Variants in GCSAML observed in about 807,000 individuals in gnomAD.
GCSAML encodes the protein germinal center associated signaling and motility like.
In GCSAML, 9 loss-of-function variants were observed where a neutral mutation model predicts 13.0. That is an observed-to-expected ratio of 0.69 (90% confidence interval 0.42 to 1.21). The LOEUF is 1.21. GCSAML is among the 50% of genes most tolerant of loss of function. The pLI, the probability that GCSAML is intolerant of heterozygous loss-of-function variation, is 0.00. For synonymous variants in GCSAML, 37 were observed against 52.9 expected, an observed-to-expected ratio of 0.70 and a Z score of 1.31; for missense variants, 143 against 153.4, an observed-to-expected ratio of 0.93 and a Z score of 0.36.
intron 1 of GCSAML, among the ~76,000 whole-genome samples, chr1:247,552,754 AC>A (rs1030351510): frequency 6.6e-6 from 1 of 152,188 alleles, no homozygotes. Context: ...ATGCAGATGT[AC>A]TATATGTATA....
At chr1:247,531,407 C>G in intron 2 of GCSAML, 1 of 769,408 alleles carries the variant, frequency 1.3e-6, no homozygotes, top group Non-Finnish European at 2.1e-6. Context: ...CTGGAAATGG[C>G]ATGAGCACAC....
At chr1:247,518,832 T>C (rs185747094) in intron 1 of GCSAML, among the ~76,000 whole-genome samples, 31 of 151,950 alleles carry the variant, frequency 2.0e-4, no homozygotes, top group Admixed American at 6.5e-4. Context: ...CTACCAGAAA[T>C]GTAAAAAATT....
chr1:247,533,359 A>G (rs147586027), intron 2 of GCSAML: 3 of 152,308 alleles, frequency 2.0e-5, no homozygotes, highest in African/African-American at 7.2e-5. Context: ...AGTTAGCCAT[A>G]GAAATTAGAA....
intron 1 of GCSAML, among the ~76,000 whole-genome samples, chr1:247,512,131 T>G (rs573878094): frequency 6.6e-6 from 1 of 152,294 alleles, no homozygotes; most frequent in South Asian, 2.1e-4. Flanking sequence ...TCCCTGTCAC[T>G]TTCAGGTATA....
chr1:247,522,003 G>A (rs1216159032), intron 1 of GCSAML, among the ~76,000 whole-genome samples: 2 of 151,876 alleles, frequency 1.3e-5, no homozygotes, highest in Non-Finnish European at 2.9e-5. Flanking sequence ...CCCCGTCTGG[G>A]ATGTGAGGAG....
At chr1:247,523,741 GATA>G (rs1195387454) in intron 1 of GCSAML, among the ~76,000 whole-genome samples, 1 of 152,098 alleles carries the variant, frequency 6.6e-6, no homozygotes, top group Non-Finnish European at 1.5e-5. Flanking sequence ...TAGAAAAATA[GATA>G]ATGATTGATG....
At position 247,574,492 on chromosome 1, in the gene GCSAML, A is replaced by C. The variant is rs1392615273; in HGVS notation, c.*110A>C. On this transcript the variant is annotated 3_prime_UTR_variant, in exon 5 of 5. Coordinates refer to ENST00000366488, the MANE Select transcript of GCSAML (RefSeq NM_145278.5). ...GCATGAAACATTCCTTTCTGGCTAA[A>C]GTTTAGAAATATTATCTTATTATAT... The C allele has an allele frequency of 8.2e-7, 1 of 1,224,462 alleles. No homozygotes were observed. The highest frequency in any genetic ancestry group is 2.4e-5 in the East Asian group (1 of 41,978). The allele number at this position is 1,224,462 out of a possible 1,614,324, so 75.8% of individuals were successfully genotyped here.
chr1:247,522,503 A>G (rs192901753), intron 1 of GCSAML, among the ~76,000 whole-genome samples: 22 of 152,300 alleles, frequency 1.4e-4, no homozygotes, highest in African/African-American at 5.3e-4. Flanking sequence ...AGATAGAGAA[A>G]TCAGACTGTG....
intron 2 of GCSAML, among the ~76,000 whole-genome samples, chr1:247,535,080 A>G: frequency 6.6e-6 from 1 of 152,116 alleles, no homozygotes; most frequent in African/African-American, 2.4e-5. Flanking sequence ...GGGAGGCTGA[A>G]GTGGGGGGAA....
Position 247,556,438 on chromosome 1 carries a change from A to G in GCSAML, c.61A>G (p.Lys21Glu). The change falls in exon 2 of 5, where the codon AAA becomes GAA. Residue 21 changes from lysine to glutamate, a missense_variant. Lys to Glu is a moderately conservative substitution (Grantham distance 56). Coordinates refer to ENST00000366488, the MANE Select transcript of GCSAML (RefSeq NM_145278.5). ...CLGENQKKPK[K>E]GNPDEERKRQ... ...GGGAGAGAATCAAAAGAAGCCCAAG[A>G]AAGGAAACCCAGATGAGGAAAGAAA... 2 of 1,612,068 alleles carry G rather than the reference A, an allele frequency of 1.2e-6. No individual in the cohort carries two copies. Among genetic ancestry groups the G allele is most frequent in the East Asian group, 2.2e-5 (1 of 44,856 alleles).
At chr1:247,520,105 G>A (rs777351784) in intron 1 of GCSAML, among the ~76,000 whole-genome samples, 6 of 152,106 alleles carry the variant, frequency 3.9e-5, no homozygotes, top group East Asian at 1.9e-4. Flanking sequence ...AAAAAGGTGC[G>A]CTTCTCTGAT....
chr1:247,565,549 A>T (rs184590931), intron 3 of GCSAML: 20 of 172,912 alleles, frequency 1.2e-4, no homozygotes, highest in African/African-American at 4.7e-4. Flanking sequence ...TGATAGTTAC[A>T]TAAAATTTAT....
At chr1:247,542,270 C>G (rs1667440541) in intron 2 of GCSAML, among the ~76,000 whole-genome samples, 1 of 152,018 alleles carries the variant, frequency 6.6e-6, no homozygotes, top group Admixed American at 6.6e-5. Context: ...CAGGGCTACA[C>G]AGTGAGACCT....
rs373555080 is a variant in GCSAML at position 247,536,998 on chromosome 1, A to G, written c.-148+9944A>G. Among the ~76,000 whole-genome samples the G allele has an allele frequency of 1.4e-4, 22 of 152,280 alleles. No homozygotes were observed. The East Asian group carries it at 3.7e-3, about 25-fold the overall frequency. On this transcript the variant is annotated intron_variant, in intron 2 of 5. Coordinates refer to the GCSAML transcript ENST00000366489. Reference sequence around the variant, plus strand: ...GATAGCATATAAATTTATCATTGTAACTATTTTAAGTGTGCAAGTCAGTGG... The same window carrying G: ...GATAGCATATAAATTTATCATTGTAGCTATTTTAAGTGTGCAAGTCAGTGG...
rs73146552 is a variant in GCSAML at position 247,523,965 on chromosome 1, T to C, written c.-262-2975T>C. Among the ~76,000 whole-genome samples the C allele has an allele frequency of 1.2e-3, 175 of 150,106 alleles. 1 individual carries two copies. The highest frequency in any genetic ancestry group is 4.1e-3 in the African/African-American group (168 of 40,872). ...AGCGAAATAAATTGTTTTGGGACAATTGACTGAACATTTGGAAAACAACAT... is the reference window on the plus strand; with the variant it reads ...AGCGAAATAAATTGTTTTGGGACAACTGACTGAACATTTGGAAAACAACAT... On this transcript the variant is annotated intron_variant, in intron 1 of 5. Coordinates refer to the GCSAML transcript ENST00000366489.
chr1:247,527,014 A>G lies in GCSAML; in HGVS notation c.-188A>G. 1 of 456,708 alleles carries G rather than the reference A, an allele frequency of 2.2e-6. No homozygotes were observed. Among genetic ancestry groups the G allele is most frequent in the Non-Finnish European group, 4.4e-6 (1 of 226,964 alleles). The allele number at this position is 456,708 out of a possible 1,614,324, so 28.3% of individuals were successfully genotyped here. A position where few individuals can be genotyped will look rare whatever the true frequency, so the allele number is the denominator to read the frequency against. On this transcript the variant is annotated 5_prime_UTR_variant, in exon 2 of 6. Transcript: ENST00000366489. The surrounding 1 kb of genome is among the most constrained non-coding windows in gnomAD (Gnocchi z 4.6). ...GGATGTGGAGCCAGAAATTGTGTGG[A>G]ATGCCTGGTGTTTCTTTCAGTTCTT...
At chr1:247,540,698 T>C (rs994727748) in intron 2 of GCSAML, among the ~76,000 whole-genome samples, 3 of 152,042 alleles carry the variant, frequency 2.0e-5, no homozygotes, top group Non-Finnish European at 4.4e-5. Context: ...CAAGAGCAAG[T>C]GGGGGAGGGA....
At chr1:247,559,826 C>T (rs1243646877) in intron 2 of GCSAML, among the ~76,000 whole-genome samples, 1 of 152,128 alleles carries the variant, frequency 6.6e-6, no homozygotes, top group African/African-American at 2.4e-5. Flanking sequence ...TGTGTTACGA[C>T]TGTGTTCAAA....
upstream of GCSAML, among the ~76,000 whole-genome samples, chr1:247,545,887 A>G (rs1321552227): frequency 6.6e-6 from 1 of 152,224 alleles, no homozygotes; most frequent in Non-Finnish European, 1.5e-5. Flanking sequence ...CTAGTTAAAC[A>G]TAAGGTATTG....
Sources: allele counts gnomAD v4.1 joint callset (sites outside exome capture counted in the v4.1 genomes callset), GRCh38; gene constraint gnomAD v4.1.1; non-coding constraint Gnocchi (gnomAD v3.1); transcripts MANE v1.5; gene names NCBI Gene and HGNC (gene_info 2026-07-23, HGNC 2026-07-21).